HMBOX1: variants seen among roughly 807,000 people sequenced by gnomAD.
HMBOX1 encodes the protein homeobox-containing protein 1.
In HMBOX1, 14 loss-of-function variants were observed where a neutral mutation model predicts 54.5. That is an observed-to-expected ratio of 0.26 (90% CI 0.17 to 0.40). The LOEUF (loss-of-function observed/expected upper bound fraction) is 0.40. HMBOX1 is among the 10% of genes least tolerant of loss of function. The pLI is 1.00. For synonymous variants in HMBOX1, 160 were observed against 181.0 expected (o/e 0.88, Z 0.93); for missense variants, 332 against 514.4 (o/e 0.65, Z 3.43).
chr8:28,922,792 T>C (rs566686812), intron 1 of HMBOX1, among the ~76,000 whole-genome samples: 1 of 152,318 alleles, frequency 6.6e-6, no homozygotes, highest in South Asian at 2.1e-4. Context: ...GTTACTACTG[T>C]GAAATCTCAT....
chr8:28,947,122 CAGAT>C (rs1822607074), intron 1 of HMBOX1, among the ~76,000 whole-genome samples: 1 of 152,180 alleles, frequency 6.6e-6, no homozygotes, highest in Non-Finnish European at 1.5e-5. Context: ...TTCCACAACT[CAGAT>C]GGAGAGCGTT....
chr8:28,987,717 A>C (rs891166257), intron 4 of HMBOX1, among the ~76,000 whole-genome samples: 1 of 152,192 alleles, frequency 6.6e-6, no homozygotes, highest in African/African-American at 2.4e-5. Context: ...AAATCTGCTT[A>C]AGTAAGGAAC....
intron 1 of HMBOX1, among the ~76,000 whole-genome samples, chr8:28,959,137 AT>A (rs879600164): frequency 8.0e-4 from 117 of 146,804 alleles, no homozygotes; most frequent in Non-Finnish European, 6.6e-4. Context: ...TCAGCATATG[AT>A]TTTTTTTTTT....
At chr8:29,005,617 A>G (rs1212910725) in intron 4 of HMBOX1, among the ~76,000 whole-genome samples, 2 of 152,178 alleles carry the variant, frequency 1.3e-5, no homozygotes, top group African/African-American at 2.4e-5. Context: ...GTCCAGCTTA[A>G]TGGACACTTA....
chr8:28,984,339 G>A (rs1256340048), intron 4 of HMBOX1, among the ~76,000 whole-genome samples: 5 of 152,174 alleles, frequency 3.3e-5, no homozygotes, highest in African/African-American at 9.7e-5. Context: ...AAATGAGAAC[G>A]AGTGGTGCAT....
At chr8:28,921,484 GCTT>G (rs1817547253) in intron 1 of HMBOX1, among the ~76,000 whole-genome samples, 1 of 152,142 alleles carries the variant, frequency 6.6e-6, no homozygotes, top group African/African-American at 2.4e-5. Context: ...TTTTAATAAA[GCTT>G]CTCTACATGT....
At chr8:28,958,051 T>G (rs1219307099) in intron 1 of HMBOX1, among the ~76,000 whole-genome samples, 1 of 152,230 alleles carries the variant, frequency 6.6e-6, no homozygotes, top group Non-Finnish European at 1.5e-5. Context: ...TCTAGATGTT[T>G]CCTGCTCAAT....
chr8:28,924,356 C>T (rs1456152166), intron 1 of HMBOX1, among the ~76,000 whole-genome samples: 1 of 151,836 alleles, frequency 6.6e-6, no homozygotes, highest in Non-Finnish European at 1.5e-5. Context: ...TGATCTGCCC[C>T]CTCGGCCTCC....
chr8:28,991,124 T>C (rs1271904214), intron 4 of HMBOX1, among the ~76,000 whole-genome samples: 1 of 152,224 alleles, frequency 6.6e-6, no homozygotes, highest in Non-Finnish European at 1.5e-5. Flanking sequence ...TTTATTATAG[T>C]GATTATCTTA....
chr8:28,968,158 A>G lies in HMBOX1; in HGVS notation c.24-1885A>G, dbSNP rs369269856. On this transcript the variant is annotated intron_variant, in intron 2 of 9. Transcript: ENST00000287701. ...GAGAAGACAGATATTCAGTAAAAACATACGACATCTAGCTGTCCATTTGGG... is the reference window on the plus strand; with the variant it reads ...GAGAAGACAGATATTCAGTAAAAACGTACGACATCTAGCTGTCCATTTGGG... Among the ~76,000 whole-genome samples the G allele has an allele frequency of 3.9e-5, 6 of 152,372 alleles. No individual in the cohort carries two copies. The South Asian group carries it at 6.2e-4, about 16-fold the overall frequency.
At chr8:28,977,944 C>CAAAAA (rs60822229) in intron 3 of HMBOX1, among the ~76,000 whole-genome samples, 1 of 88,486 alleles carries the variant, frequency 1.1e-5, no homozygotes. Flanking sequence ...ACTCTGTCTC[C>CAAAAA]AAAAAAAAAA....
Position 28,933,100 on chromosome 8 carries a change from G to A in HMBOX1, c.-57-30711G>A, listed in dbSNP as rs903506141. Among the ~76,000 whole-genome samples, 3 of 152,172 alleles carry A rather than the reference G, an allele frequency of 2.0e-5. No homozygotes were observed. The East Asian group carries it at 5.8e-4, about 29-fold the overall frequency. On this transcript the variant is annotated intron_variant, in intron 1 of 9. Transcript: ENST00000287701. The stretch of plus-strand genomic sequence containing the variant: ...CTCTTTTTTTTTGATGGAAAGAAGG[G>A]GAAAGTCACATTGTGAAGGAGCAGT...
intron 1 of HMBOX1, among the ~76,000 whole-genome samples, chr8:28,960,753 CTTTTTCTTTTTCTTTTTTTTTTTTTTT>C (rs1825347534): frequency 6.1e-5 from 4 of 65,656 alleles, no homozygotes; most frequent in African/African-American, 1.9e-4. Flanking sequence ...TTCTCTTTTT[CTTTTTCTTTTTCTTTTTTTTTTTTTTT>C]TTTTTTTTTT....
intron 6 of HMBOX1, among the ~76,000 whole-genome samples, chr8:29,019,377 T>C (rs1438181147): frequency 1.3e-5 from 2 of 152,134 alleles, no homozygotes; most frequent in African/African-American, 4.8e-5. Flanking sequence ...TCTCATTCTG[T>C]CACCAGTACC....
intron 1 of HMBOX1, among the ~76,000 whole-genome samples, chr8:28,942,703 AT>A (rs908776060): frequency 1.3e-5 from 2 of 151,598 alleles, no homozygotes; most frequent in South Asian, 2.1e-4. Flanking sequence ...GAATTTTCTT[AT>A]TTTTTTTAAT....
chr8:29,016,539 G>A (rs1835032415), intron 5 of HMBOX1, among the ~76,000 whole-genome samples: 1 of 152,174 alleles, frequency 6.6e-6, no homozygotes, highest in Non-Finnish European at 1.5e-5. Flanking sequence ...AACACAACCA[G>A]CATTTATTAT....
chr8:28,964,397 C>G (rs1586137494), intron 2 of HMBOX1, among the ~76,000 whole-genome samples: 1 of 152,056 alleles, frequency 6.6e-6, no homozygotes, highest in African/African-American at 2.4e-5. Context: ...TGGAGTCAGG[C>G]AGAAAATACA....
chr8:29,050,346 C>A, intron 9 of HMBOX1: 2 of 436,758 alleles, frequency 4.6e-6, no homozygotes, highest in Non-Finnish European at 6.1e-6. Context: ...TTGTTTAACA[C>A]ATTGAGCTGC....
At chr8:28,932,090 G>A (rs1819568417) in intron 1 of HMBOX1, among the ~76,000 whole-genome samples, 1 of 152,186 alleles carries the variant, frequency 6.6e-6, no homozygotes, top group Non-Finnish European at 1.5e-5. Context: ...ATTTAAACTA[G>A]TACCTGAGTA....
Sources: gnomAD v4.1 joint callset for allele counts (sites outside exome capture counted in the v4.1 genomes callset) on GRCh38, gnomAD v4.1.1 for gene constraint, MANE v1.5 for transcripts, NCBI Gene and HGNC (gene_info 2026-07-23, HGNC 2026-07-21) for gene names.